PACS2: variants seen among roughly 807,000 people sequenced by gnomAD.
PACS2 encodes PACS1-like protein.
Under a neutral mutation model 113.0 loss-of-function variants are expected in PACS2, and 36 were observed. The observed-to-expected ratio is 0.32, with a 90% CI of 0.24 to 0.42. The LOEUF (loss-of-function observed/expected upper bound fraction) is 0.42, where lower values mean the gene tolerates loss of function less well. PACS2 is among the 10% of genes least tolerant of loss of function. The probability of loss-of-function intolerance (pLI) is 1.00; values close to 1 mark genes in which losing one functional copy is unlikely to be tolerated. For synonymous variants in PACS2, 589 were observed against 536.1 expected, an observed-to-expected ratio of 1.10 and a Z score of -1.36; for missense variants, 1,015 against 1,239.5, an observed-to-expected ratio of 0.82 and a Z score of 2.72.
In PACS2 at chr14:105,324,847, G is replaced by A. The variant is rs777357580; in HGVS notation, c.119+9810G>A. Reference sequence around the variant, plus strand: ...GGTCCTCTGCATGGTCAGGGGCCATGCTGGGTCCCCTGGGGTGCAGATGCC... The same window carrying A: ...GGTCCTCTGCATGGTCAGGGGCCATACTGGGTCCCCTGGGGTGCAGATGCC... On this transcript the variant is annotated intron_variant, in intron 1 of 24. Transcript: ENST00000447393. The surrounding 1 kb of genome is among the most constrained non-coding windows in gnomAD (Gnocchi z 4.7). Among the ~76,000 whole-genome samples, 23 of 152,294 alleles carry A rather than the reference G, an allele frequency of 1.5e-4. No individual in the cohort carries two copies. Among genetic ancestry groups the A allele is most frequent in the Admixed American group, 8.5e-4 (13 of 15,310 alleles).
chr14:105,350,629 G>C lies in PACS2; in HGVS notation c.208-1749G>C, dbSNP rs993083007. 9.8e-5 allele frequency among the ~76,000 whole-genome samples: 15 copies of C among 152,348 alleles called. No individual in the cohort carries two copies. The East Asian group carries it at 2.1e-3, about 22-fold the overall frequency. Reference sequence around the variant, plus strand: ...TGTCCTCTCCGCCCAGGCCCCCTGTGGGGGAAGCAGCCAGCCTGGCCCCGC... The same window carrying C: ...TGTCCTCTCCGCCCAGGCCCCCTGTCGGGGAAGCAGCCAGCCTGGCCCCGC... On this transcript the variant is annotated intron_variant, in intron 2 of 24. Coordinates refer to ENST00000447393, the MANE Select transcript of PACS2 (RefSeq NM_001100913.3).
At position 105,384,462 on chromosome 14, in the gene PACS2, G is replaced by A. The variant is rs781959025; in HGVS notation, c.1890G>A (p.Ala630=). 20 of 1,602,396 alleles carry A rather than the reference G, an allele frequency of 1.2e-5. No homozygotes were observed. Among genetic ancestry groups the A allele is most frequent in the Admixed American group, 8.3e-5 (5 of 59,898 alleles). ...TCAACAAGCTGGAGGCCCAGAGTGC[G>A]GGTGAGGCCCGGGCGCGTCCACAGC... ...DLFNKLEAQS[A]VQDTPDIVSR... Residue 630 remains alanine, a splice_region_variant and synonymous_variant, in exon 17 of 25, where the codon GCG becomes GCA. Coordinates refer to ENST00000447393, the MANE Select transcript of PACS2 (RefSeq NM_001100913.3).
Position 105,357,371 on chromosome 14 carries a change from C to T in PACS2, c.423+2194C>T, listed in dbSNP as rs1220098848. 1.3e-5 allele frequency among the ~76,000 whole-genome samples: 2 copies of T among 152,042 alleles called. No homozygotes were observed. Among genetic ancestry groups the T allele is most frequent in the South Asian group, 2.1e-4 (1 of 4,826 alleles). ...CACCCCTGGATGTAGTTCCAGTGCC[C>T]TGCCCCTGAGCCTGTGGCCCCCACC... On this transcript the variant is annotated intron_variant, in intron 4 of 24. Coordinates refer to ENST00000447393, the MANE Select transcript of PACS2 (RefSeq NM_001100913.3). This position sits in a 1 kb window ranked among gnomAD's most constrained non-coding sequence, Gnocchi z 5.1.
chr14:105,341,813 C>T (rs1444497438), intron 1 of PACS2, among the ~76,000 whole-genome samples: 1 of 152,212 alleles, frequency 6.6e-6, no homozygotes. Context: ...ACAGCAGAGA[C>T]AGGCCTGAGA....
intron 18 of PACS2, 122 bp from the exon 19 acceptor site, chr14:105,385,563 C>T (rs919748609): frequency 2.7e-5 from 16 of 586,488 alleles, no homozygotes; most frequent in East Asian, 5.9e-5. Context: ...CCAGCGCTCA[C>T]GGGCTCTCCC....
At chr14:105,345,023 C>T (rs1566922576) in intron 1 of PACS2, among the ~76,000 whole-genome samples, 5 of 151,560 alleles carry the variant, frequency 3.3e-5, no homozygotes, top group Admixed American at 1.3e-4. Context: ...GCATGAGAAT[C>T]GTTTGAACCC....
intron 3 of PACS2, among the ~76,000 whole-genome samples, chr14:105,353,770 C>T (rs1315768122): frequency 1.3e-5 from 2 of 151,692 alleles, no homozygotes; most frequent in African/African-American, 4.8e-5. Flanking sequence ...TTTTTCGTAT[C>T]TTTAGTTGAG....
rs142370653 is a variant in PACS2, at chr14:105,321,621, C to T, written c.119+6584C>T. On this transcript the variant is annotated intron_variant, in intron 1 of 24. Coordinates refer to ENST00000447393, the MANE Select transcript of PACS2 (RefSeq NM_001100913.3). ...CAAGCAGTCTACCTGCCTCAGCCTCCCAAAGTGCTGGGATTATAGGCATGA... is the reference window on the plus strand; with the variant it reads ...CAAGCAGTCTACCTGCCTCAGCCTCTCAAAGTGCTGGGATTATAGGCATGA... Among the ~76,000 whole-genome samples the T allele has an allele frequency of 1.3e-3, 202 of 152,268 alleles. 1 individual carries two copies. Among genetic ancestry groups the T allele is most frequent in the South Asian group, 0.011 (54 of 4,822 alleles).
chr14:105,338,789 C>T (rs1225905961), intron 1 of PACS2, among the ~76,000 whole-genome samples: 3 of 152,200 alleles, frequency 2.0e-5, no homozygotes, highest in Admixed American at 2.0e-4. Flanking sequence ...CTAAAGTGGC[C>T]AGGGCAGCAG....
chr14:105,316,200 A>G (rs587745555), intron 1 of PACS2, among the ~76,000 whole-genome samples: 12 of 152,230 alleles, frequency 7.9e-5, no homozygotes, highest in Middle Eastern at 3.4e-3. Flanking sequence ...CGACTCTTGC[A>G]CCTGGCGGGG....
In PACS2 at chr14:105,348,608, GC is replaced by G. The variant is rs1555403175; in HGVS notation, c.207+29del. On this transcript the variant is annotated intron_variant, in intron 2 of 24. Transcript: ENST00000447393. The surrounding 1 kb of genome is among the most constrained non-coding windows in gnomAD (Gnocchi z 6.4). ...GAGGCCGCTTGTGACCCCGGCTGTG[GC>G]TGGGTGCTGTGTAGGCTTTCCATGT... 1 of 1,504,408 alleles carries G rather than the reference GC, an allele frequency of 6.6e-7. No individual in the cohort carries two copies. Among genetic ancestry groups the G allele is most frequent in the Admixed American group, 1.7e-5 (1 of 59,862 alleles). The allele number at this position is 1,504,408 out of a possible 1,614,324, so 93.2% of individuals were successfully genotyped here. A position where few individuals can be genotyped will look rare whatever the true frequency, so the allele number is the denominator to read the frequency against.
At position 105,356,677 on chromosome 14, in the gene PACS2, G is replaced by C. The variant is rs180777896; in HGVS notation, c.423+1500G>C. ...CCATTAGCCATGCAGGCGAGGTCCT[G>C]CTGATCCCTGCCGGTCCCTGTGTTT... On this transcript the variant is annotated intron_variant, in intron 4 of 24. Coordinates refer to ENST00000447393, the MANE Select transcript of PACS2 (RefSeq NM_001100913.3). The surrounding 1 kb of genome is among the most constrained non-coding windows in gnomAD (Gnocchi z 4.0). 2.2e-3 allele frequency among the ~76,000 whole-genome samples: 329 copies of C among 152,158 alleles called. 1 individual carries two copies. The highest frequency in any genetic ancestry group is 7.2e-3 in the African/African-American group (297 of 41,488).
intron 8 of PACS2, among the ~76,000 whole-genome samples, chr14:105,373,933 C>G (rs1312466597): frequency 5.3e-5 from 8 of 152,052 alleles, no homozygotes; most frequent in Admixed American, 4.6e-4. Flanking sequence ...ACCCGGATCA[C>G]TTGAGGTCAG....
At chr14:105,378,986 C>T (rs147830925) in intron 9 of PACS2, among the ~76,000 whole-genome samples, 4,664 of 145,878 alleles carry the variant, frequency 0.032, 251 homozygotes, top group African/African-American at 0.11. Context: ...CAGCCTGGAT[C>T]AGCCTGGGTG....
rs1320555075 is a variant in PACS2, at chr14:105,366,107, T to G, written c.424-1106T>G. 6.6e-6 allele frequency among the ~76,000 whole-genome samples: 1 copy of G among 152,208 alleles called. No individual in the cohort carries two copies. Among genetic ancestry groups the G allele is most frequent in the African/African-American group, 2.4e-5 (1 of 41,452 alleles). ...GCTCACGCCTGTAATCCCAGCACTT[T>G]GGGAGGCCGAGGCAGGCAGATCATT... is the stretch of plus-strand genomic sequence containing the variant. On this transcript the variant is annotated intron_variant, in intron 4 of 24. Coordinates refer to ENST00000447393, the MANE Select transcript of PACS2 (RefSeq NM_001100913.3). The surrounding 1 kb of genome is among the most constrained non-coding windows in gnomAD (Gnocchi z 4.3).
intron 8 of PACS2, among the ~76,000 whole-genome samples, chr14:105,375,405 G>C (rs2061317077): frequency 1.3e-5 from 2 of 150,722 alleles, no homozygotes; most frequent in African/African-American, 4.9e-5. Context: ...GTGAACCCGG[G>C]AGGCGGAGCT....
intron 19 of PACS2, chr14:105,389,692 T>C (rs1555414364): frequency 1.9e-6 from 1 of 525,556 alleles, no homozygotes; most frequent in Middle Eastern, 5.2e-4. Flanking sequence ...CCTGTCCTCC[T>C]GACCATGGGT....
chr14:105,301,451 G>T (rs896612623), intron 1 of PACS2, among the ~76,000 whole-genome samples: 4 of 151,978 alleles, frequency 2.6e-5, no homozygotes, highest in Non-Finnish European at 5.9e-5. Context: ...GAGCGTGGTG[G>T]GCGGGGCCTT....
intron 6 of PACS2, 58 bp downstream of exon 6, chr14:105,368,205 C>T: frequency 5.7e-6 from 7 of 1,230,504 alleles, no homozygotes; most frequent in Non-Finnish European, 8.3e-6. Context: ...GTCCTGGGGT[C>T]TGTGGGGTCC....
Sources: allele counts gnomAD v4.1 joint callset (sites outside exome capture counted in the v4.1 genomes callset), GRCh38; gene constraint gnomAD v4.1.1; non-coding constraint Gnocchi (gnomAD v3.1); transcripts MANE v1.5; gene names NCBI Gene and HGNC (gene_info 2026-07-23, HGNC 2026-07-21).